NRG3: variants seen among roughly 807,000 people sequenced by gnomAD.
The protein encoded by NRG3 is pro-neuregulin-3, membrane-bound isoform.
Under a neutral mutation model 66.9 loss-of-function variants are expected in NRG3, and 31 were observed. The ratio of observed to expected loss-of-function variants is 0.46; its 90% CI spans 0.35 to 0.63. The LOEUF is 0.63. Among genes scored for constraint, NRG3 ranks in the 20% least tolerant of loss-of-function variants. The pLI, the probability that NRG3 is intolerant of heterozygous loss-of-function variation, is 0.00. For synonymous variants in NRG3, 393 were observed against 359.4 expected (o/e 1.09, Z -1.06); for missense variants, 910 against 878.9 (o/e 1.04, Z -0.45).
intron 1 of NRG3, among the ~76,000 whole-genome samples, chr10:82,155,101 GT>G (rs2071089248): frequency 6.6e-6 from 1 of 151,580 alleles, no homozygotes; most frequent in African/African-American, 2.4e-5. Flanking sequence ...AGTGAAACAG[GT>G]TAGACAGCAT....
At chr10:82,513,262 C>T (rs1400701756) in intron 2 of NRG3, among the ~76,000 whole-genome samples, 2 of 152,158 alleles carry the variant, frequency 1.3e-5, no homozygotes, top group African/African-American at 4.8e-5. Context: ...CAGCTCCAAC[C>T]ACATCCCTGC....
intron 3 of NRG3, among the ~76,000 whole-genome samples, chr10:82,834,752 G>C (rs531581268): frequency 1.3e-5 from 2 of 152,236 alleles, no homozygotes; most frequent in East Asian, 3.9e-4. Flanking sequence ...AGGGTGAGTT[G>C]GTTGGGACAT....
At chr10:82,322,771 AGAG>A (rs1215154042) in intron 1 of NRG3, among the ~76,000 whole-genome samples, 3 of 152,224 alleles carry the variant, frequency 2.0e-5, no homozygotes, top group Non-Finnish European at 2.9e-5. Flanking sequence ...TGCAGTCTGT[AGAG>A]GAGAAGAGTA....
At chr10:82,587,868 G>A (rs534963193) in intron 2 of NRG3, among the ~76,000 whole-genome samples, 14 of 152,196 alleles carry the variant, frequency 9.2e-5, no homozygotes, top group Non-Finnish European at 2.1e-4. Context: ...GTAAATAGTC[G>A]ATGTGATGAT....
intron 2 of NRG3, among the ~76,000 whole-genome samples, chr10:82,738,010 C>T (rs1038901652): frequency 1.3e-5 from 2 of 151,382 alleles, no homozygotes; most frequent in Admixed American, 6.6e-5. Context: ...CAGACCTTGC[C>T]GGATAAAATG....
intron 1 of NRG3, among the ~76,000 whole-genome samples, chr10:82,084,198 A>T (rs1316388413): frequency 6.6e-6 from 1 of 151,470 alleles, no homozygotes. Flanking sequence ...ACTGCACTCC[A>T]TCCAGGGTGA....
chr10:82,288,367 G>A (rs191053170), intron 1 of NRG3, among the ~76,000 whole-genome samples: 15 of 152,172 alleles, frequency 9.9e-5, no homozygotes, highest in African/African-American at 2.9e-4. Context: ...GGTATTATTC[G>A]GTTAGTAAAT....
intron 8 of NRG3, among the ~76,000 whole-genome samples, chr10:82,979,824 G>A (rs1285030350): frequency 6.6e-6 from 1 of 152,092 alleles, no homozygotes; most frequent in Non-Finnish European, 1.5e-5. Flanking sequence ...AAACTGACTG[G>A]AATTCAAATC....
intron 4 of NRG3, among the ~76,000 whole-genome samples, chr10:82,882,444 G>A (rs1403989958): frequency 1.3e-5 from 2 of 152,094 alleles, no homozygotes; most frequent in Non-Finnish European, 2.9e-5. Flanking sequence ...ACAATTATCT[G>A]TCCCACATAC....
At chr10:82,354,725 G>A (rs536480089) in intron 1 of NRG3, among the ~76,000 whole-genome samples, 2 of 152,186 alleles carry the variant, frequency 1.3e-5, no homozygotes, top group East Asian at 3.9e-4. Flanking sequence ...CCTATTCCGT[G>A]CCTCTGTGTC....
intron 2 of NRG3, among the ~76,000 whole-genome samples, chr10:82,517,490 A>G (rs1845770141): frequency 6.6e-6 from 1 of 152,134 alleles, no homozygotes; most frequent in Non-Finnish European, 1.5e-5. Flanking sequence ...TTGCGGCTGT[A>G]GTCACTGATG....
At chr10:82,921,677 A>G (rs1846434477) in intron 4 of NRG3, among the ~76,000 whole-genome samples, 1 of 152,188 alleles carries the variant, frequency 6.6e-6, no homozygotes, top group Non-Finnish European at 1.5e-5. Context: ...CTTGTTTTGA[A>G]AATAATTCTG....
At chr10:81,923,772 G>A (rs1277308002) in intron 1 of NRG3, among the ~76,000 whole-genome samples, 1 of 152,042 alleles carries the variant, frequency 6.6e-6, no homozygotes, top group Admixed American at 6.6e-5. Flanking sequence ...ACCACATAAT[G>A]TTTTGTTCAG....
At chr10:82,397,886 A>T (rs2086814088) in intron 2 of NRG3, among the ~76,000 whole-genome samples, 1 of 152,116 alleles carries the variant, frequency 6.6e-6, no homozygotes. Context: ...CTCCTGAGAG[A>T]GGGGCAAAGA....
At chr10:82,809,438 AT>A (rs2061410176) in intron 3 of NRG3, among the ~76,000 whole-genome samples, 1 of 152,100 alleles carries the variant, frequency 6.6e-6, no homozygotes, top group Non-Finnish European at 1.5e-5. Context: ...CATTTAAAAA[AT>A]GTGAACATAA....
At chr10:82,288,101 T>G (rs576034156) in intron 1 of NRG3, among the ~76,000 whole-genome samples, 1 of 152,310 alleles carries the variant, frequency 6.6e-6, no homozygotes, top group East Asian at 1.9e-4. Context: ...CCAGGAGAAT[T>G]GAAAGGCAGA....
chr10:82,531,550 AAC>A (rs1378846025), intron 2 of NRG3, among the ~76,000 whole-genome samples: 10 of 151,870 alleles, frequency 6.6e-5, no homozygotes, highest in African/African-American at 1.9e-4. Flanking sequence ...TTAATTAATA[AAC>A]AGTTATTTTT....
At chr10:82,263,251 A>G (rs981078528) in intron 1 of NRG3, among the ~76,000 whole-genome samples, 2 of 152,132 alleles carry the variant, frequency 1.3e-5, no homozygotes, top group African/African-American at 4.8e-5. Context: ...AACGGATACA[A>G]GATAGAGATG....
At chr10:82,036,627 C>G (rs2062803363) in intron 1 of NRG3, among the ~76,000 whole-genome samples, 1 of 152,054 alleles carries the variant, frequency 6.6e-6, no homozygotes, top group Non-Finnish European at 1.5e-5. Flanking sequence ...TAAATGAGAC[C>G]TACTCTTAAG....
Sources: gnomAD v4.1 joint callset for allele counts (sites outside exome capture counted in the v4.1 genomes callset) on GRCh38, gnomAD v4.1.1 for gene constraint, MANE v1.5 for transcripts, NCBI Gene and HGNC (gene_info 2026-07-23, HGNC 2026-07-21) for gene names.